The following ATP6V1E2 variants were observed in gnomAD, a reference collection of about 807,000 sequenced individuals.
ATP6V1E2 encodes the protein ATPase H+ transporting V1 subunit E2.
For missense variants in ATP6V1E2, 308 were observed against 273.3 expected, an observed-to-expected ratio of 1.13 and a Z score of -0.90; for synonymous variants, 121 against 104.2, an observed-to-expected ratio of 1.16 and a Z score of -0.98.
rs1667111081 is a variant in ATP6V1E2 at position 46,530,021 on chromosome 2, C to T, written c.-102+5792G>A. 6.6e-6 allele frequency among the ~76,000 whole-genome samples: 1 copy of T among 152,112 alleles called. No individual in the cohort carries two copies. The highest frequency in any genetic ancestry group is 2.4e-5 in the African/African-American group (1 of 41,408). The stretch of plus-strand genomic sequence containing the variant: ...TATTTCAGTATATTTATAACCTGTC[C>T]TGTTACATTGTTGCAAAGGGGGTTG... On this transcript the variant is annotated intron_variant, in intron 4 of 4. Coordinates refer to ENST00000522587, the MANE Select transcript of ATP6V1E2 (RefSeq NM_001318063.2). This position sits in a 1 kb window ranked among gnomAD's most constrained non-coding sequence, Gnocchi z 5.2.
intron 4 of ATP6V1E2, among the ~76,000 whole-genome samples, chr2:46,529,846 A>G (rs918400816): frequency 1.3e-5 from 2 of 152,142 alleles, no homozygotes; most frequent in Admixed American, 6.5e-5. Context: ...AGTTTCCCCA[A>G]TAGACTCTCA....
intron 4 of ATP6V1E2, among the ~76,000 whole-genome samples, chr2:46,522,150 A>T (rs916890875): frequency 2.0e-5 from 3 of 151,200 alleles, no homozygotes; most frequent in African/African-American, 4.9e-5. Context: ...ATTAGCCAGG[A>T]ATGATGGTGT....
chr2:46,538,138 T>C (rs755203407), intron 2 of ATP6V1E2, among the ~76,000 whole-genome samples: 2 of 152,174 alleles, frequency 1.3e-5, no homozygotes, highest in Non-Finnish European at 2.9e-5. Context: ...CTCCTCTTCA[T>C]GTTCACTGCC....
rs781420232 is a variant in ATP6V1E2 at position 46,511,982 on chromosome 2, T to TA, written c.*48dup. 1 of 1,506,132 alleles carries TA rather than the reference T, an allele frequency of 6.6e-7. No homozygotes were observed. Among genetic ancestry groups the TA allele is most frequent in the Non-Finnish European group, 8.9e-7 (1 of 1,128,018 alleles). 93.3% of individuals were successfully genotyped at this position (1,506,132 alleles called of 1,614,324 possible). On this transcript the variant is annotated 3_prime_UTR_variant, in exon 5 of 5. Coordinates refer to ENST00000522587, the MANE Select transcript of ATP6V1E2 (RefSeq NM_001318063.2). ...ACTAGTTTCCTTTCCCCAAAAAACTTAAACTTTTATGGTTTAGTGGTTCAA... is the reference window on the plus strand; with the variant it reads ...ACTAGTTTCCTTTCCCCAAAAAACTTAAAACTTTTATGGTTTAGTGGTTCAA...
chr2:46,526,504 A>T (rs1030484634), intron 4 of ATP6V1E2, among the ~76,000 whole-genome samples: 1 of 152,156 alleles, frequency 6.6e-6, no homozygotes, highest in Non-Finnish European at 1.5e-5. Flanking sequence ...CGTCTTCCCA[A>T]ATTTAAACTC....
intron 2 of ATP6V1E2, among the ~76,000 whole-genome samples, chr2:46,540,436 CAA>C (rs35794315): frequency 4.8e-5 from 6 of 124,834 alleles, no homozygotes; most frequent in Admixed American, 8.3e-5. Context: ...GACCCTATCT[CAA>C]AAAAAAAAAA....
intron 2 of ATP6V1E2, among the ~76,000 whole-genome samples, chr2:46,540,533 C>A (rs752425998): frequency 1.2e-4 from 18 of 150,708 alleles, no homozygotes; most frequent in Non-Finnish European, 2.4e-4. Context: ...AGGAGAGAAG[C>A]AAGCAGACAG....
intron 4 of ATP6V1E2, among the ~76,000 whole-genome samples, chr2:46,525,223 C>G (rs1007972881): frequency 2.0e-5 from 3 of 151,684 alleles, no homozygotes; most frequent in Non-Finnish European, 2.9e-5. Flanking sequence ...GCCTGTAATC[C>G]CAGTACTTTG....
At chr2:46,539,235 C>T (rs1478876254) in intron 2 of ATP6V1E2, among the ~76,000 whole-genome samples, 2 of 152,150 alleles carry the variant, frequency 1.3e-5, no homozygotes, top group Non-Finnish European at 2.9e-5. Context: ...ACCAAATACC[C>T]GGGACCATAA....
Position 46,512,404 on chromosome 2 carries a change from C to T in ATP6V1E2, c.308G>A (p.Ser103Asn). The T allele has an allele frequency of 6.2e-7, 1 of 1,614,174 alleles. No homozygotes were observed. Among genetic ancestry groups the T allele is most frequent in the Non-Finnish European group, 8.5e-7 (1 of 1,180,038 alleles). ...GACCTCTGGGTCCTCCACAATCCTG[C>T]TGAGTCTCAGCTTCGCCTCACTGAG... ...DLLSEAKLRL[S>N]RIVEDPEVYQ... Residue 103 changes from serine to asparagine, a missense_variant, in exon 5 of 5, where the codon AGC (serine) becomes AAC (asparagine). By Grantham distance (46) the Ser-to-Asn change is conservative (BLOSUM62 1). Coordinates refer to ENST00000522587, the MANE Select transcript of ATP6V1E2 (RefSeq NM_001318063.2).
At chr2:46,522,041 T>C (rs1007299110) in intron 4 of ATP6V1E2, among the ~76,000 whole-genome samples, 7 of 152,110 alleles carry the variant, frequency 4.6e-5, no homozygotes, top group African/African-American at 1.7e-4. Context: ...ATGCCTGTAA[T>C]CCCAACATTT....
chr2:46,523,862 G>A (rs1022723279), intron 4 of ATP6V1E2, among the ~76,000 whole-genome samples: 2 of 152,160 alleles, frequency 1.3e-5, no homozygotes, highest in Non-Finnish European at 2.9e-5. Flanking sequence ...TCCTATCCAT[G>A]AGAATGGAAT....
chr2:46,525,354 C>CGG (rs1666851076), intron 4 of ATP6V1E2, among the ~76,000 whole-genome samples: 1 of 150,108 alleles, frequency 6.7e-6, no homozygotes, highest in African/African-American at 2.5e-5. Context: ...CCCAGCTACT[C>CGG]GGGAGGCTGA....
chr2:46,538,089 T>G lies in ATP6V1E2; in HGVS notation c.-309-1386A>C, dbSNP rs73927885. On this transcript the variant is annotated intron_variant, in intron 2 of 4. Transcript: ENST00000522587. ...ACATCCCCACACTGCTACCAAGCCC[T>G]GTGGATTCCATCATCCAAATCTCCC... is the stretch of plus-strand genomic sequence containing the variant. Among the ~76,000 whole-genome samples the G allele has an allele frequency of 9.4e-3, 1,432 of 152,286 alleles. 21 individuals carry two copies. Among genetic ancestry groups the G allele is most frequent in the African/African-American group, 0.031 (1,303 of 41,550 alleles).
At position 46,525,278 on chromosome 2, in the gene ATP6V1E2, C is replaced by T. The variant is rs552813282; in HGVS notation, c.-102+10535G>A. 2.0e-3 allele frequency among the ~76,000 whole-genome samples: 300 copies of T among 149,448 alleles called. 2 individuals are homozygous for T. The highest frequency in any genetic ancestry group is 6.9e-3 in the African/African-American group (286 of 41,184). Reference sequence around the variant, plus strand: ...TCACGAGGTCAGGAGATCGAGACCACGGTGAAACCCCGTCTCTACTAAAAA... The same window carrying T: ...TCACGAGGTCAGGAGATCGAGACCATGGTGAAACCCCGTCTCTACTAAAAA... On this transcript the variant is annotated intron_variant, in intron 4 of 4. Transcript: ENST00000522587.
At chr2:46,520,016 T>A (rs577946249) in intron 4 of ATP6V1E2, 2 of 152,376 alleles carry the variant, frequency 1.3e-5, no homozygotes, top group South Asian at 4.1e-4. Flanking sequence ...TCCTTTGTGA[T>A]GGTGGTGGAA....
In ATP6V1E2 at chr2:46,541,408, C is replaced by T. The variant is rs1251399134; in HGVS notation, c.-328G>A. 6.6e-6 allele frequency: 1 copy of T among 152,198 alleles called. No homozygotes were observed. The highest frequency in any genetic ancestry group is 2.4e-5 in the African/African-American group (1 of 41,428). The allele number at this position is 152,198 out of a possible 1,614,324, so 9.4% of individuals were successfully genotyped here. ...AACTTACAGTGATTTCCGAAGACTT[C>T]CTGGGAGAGTGGAAATCAGATTCGG... On this transcript the variant is annotated 5_prime_UTR_variant, in exon 2 of 5. Coordinates refer to ENST00000522587, the MANE Select transcript of ATP6V1E2 (RefSeq NM_001318063.2).
At chr2:46,513,782 G>A (rs1036500320) in intron 4 of ATP6V1E2, among the ~76,000 whole-genome samples, 2 of 151,428 alleles carry the variant, frequency 1.3e-5, no homozygotes, top group African/African-American at 2.4e-5. Context: ...CTGAGATCGC[G>A]CCACTGTACT....
At chr2:46,529,949 C>T (rs1343504053) in intron 4 of ATP6V1E2, among the ~76,000 whole-genome samples, 1 of 152,070 alleles carries the variant, frequency 6.6e-6, no homozygotes, top group Non-Finnish European at 1.5e-5. Context: ...CTGATCAGGG[C>T]ACTCAGGGAG....
Sources: gnomAD v4.1 joint callset for allele counts (sites outside exome capture counted in the v4.1 genomes callset) on GRCh38, gnomAD v4.1.1 for gene constraint, Gnocchi (gnomAD v3.1) non-coding constraint, MANE v1.5 for transcripts, NCBI Gene and HGNC (gene_info 2026-07-23, HGNC 2026-07-21) for gene names.